Variants in PBX1 observed in about 807,000 individuals in gnomAD.
PBX1 encodes pre-B-cell leukemia transcription factor 1.
In PBX1, 6 loss-of-function variants were observed where a neutral mutation model predicts 53.4. The observed-to-expected ratio is 0.11, with a 90% CI of 0.06 to 0.22. The LOEUF (loss-of-function observed/expected upper bound fraction) is 0.22. Ranked by LOEUF, PBX1 falls within the 10% of genes least tolerant of loss-of-function variation. The pLI, the probability that PBX1 is intolerant of heterozygous loss-of-function variation, is 1.00. For missense variants in PBX1, 251 were observed against 551.4 expected, an observed-to-expected ratio of 0.46 and a Z score of 5.46; for synonymous variants, 204 against 212.3, an observed-to-expected ratio of 0.96 and a Z score of 0.34.
intron 5 of PBX1, among the ~76,000 whole-genome samples, 154 bp downstream of exon 5, chr1:164,807,831 C>T (rs1669429823): frequency 1.3e-5 from 2 of 152,206 alleles, no homozygotes; most frequent in South Asian, 2.1e-4. Context: ...GATGTGTATG[C>T]GTATAAGTGA....
At position 164,591,767 on chromosome 1, in the gene PBX1, A is replaced by G. The variant is rs139193624; in HGVS notation, c.265+28456A>G. 1.2e-4 allele frequency among the ~76,000 whole-genome samples: 19 copies of G among 152,298 alleles called. No individual in the cohort carries two copies. In the East Asian group the frequency reaches 3.7e-3, roughly 29 times the overall value. ...ACTTGTGCAGGTTTTCCTATCCTACAAGTAGAGAAATGGAGAGATCCATGC... is the reference window on the plus strand; with the variant it reads ...ACTTGTGCAGGTTTTCCTATCCTACGAGTAGAGAAATGGAGAGATCCATGC... On this transcript the variant is annotated intron_variant, in intron 2 of 8. Transcript: ENST00000420696.
chr1:164,689,684 G>A (rs1662347730), intron 2 of PBX1, among the ~76,000 whole-genome samples: 1 of 152,164 alleles, frequency 6.6e-6, no homozygotes, highest in Non-Finnish European at 1.5e-5. Flanking sequence ...ATCCATTACT[G>A]TTAATTACAC....
intron 2 of PBX1, among the ~76,000 whole-genome samples, chr1:164,599,071 A>ATTTT (rs375145672): frequency 0.24 from 29,042 of 118,662 alleles, 4,596 homozygotes; most frequent in Middle Eastern, 0.27. Context: ...TTTCCTCCTG[A>ATTTT]TTTTTTTTTT....
chr1:164,829,438 CT>C (rs1449936060), intron 8 of PBX1: 1 of 152,228 alleles, frequency 6.6e-6, no homozygotes, highest in Non-Finnish European at 1.5e-5. Flanking sequence ...TATTTTAGCA[CT>C]GTCCAATAAG....
intron 8 of PBX1, among the ~76,000 whole-genome samples, chr1:164,837,723 G>A (rs1311744997): frequency 6.6e-6 from 1 of 152,164 alleles, no homozygotes; most frequent in Non-Finnish European, 1.5e-5. Context: ...GAAAAAGTAA[G>A]AAAATCAAAC....
intron 2 of PBX1, among the ~76,000 whole-genome samples, chr1:164,718,453 G>C (rs891013547): frequency 2.0e-5 from 3 of 152,186 alleles, no homozygotes; most frequent in African/African-American, 7.2e-5. Context: ...TGTTCCCATA[G>C]GACTAACTCT....
intron 2 of PBX1, among the ~76,000 whole-genome samples, chr1:164,762,512 A>C (rs1350874028): frequency 1.3e-5 from 2 of 152,236 alleles, no homozygotes; most frequent in Non-Finnish European, 2.9e-5. Context: ...CTTCATTTTC[A>C]TATCAGCTTA....
chr1:164,678,703 C>T (rs1661578655), intron 2 of PBX1, among the ~76,000 whole-genome samples: 1 of 152,198 alleles, frequency 6.6e-6, no homozygotes, highest in Non-Finnish European at 1.5e-5. Context: ...AGCAAAACCC[C>T]TCTTTATTAA....
At chr1:164,856,233 A>G (rs1671972272), downstream of PBX1, among the ~76,000 whole-genome samples, 1 of 152,158 alleles carries the variant, frequency 6.6e-6, no homozygotes, top group African/African-American at 2.4e-5. Flanking sequence ...CCAGGCCTTG[A>G]ATAACTGGTG....
At chr1:164,657,716 G>A (rs951967425) in intron 2 of PBX1, among the ~76,000 whole-genome samples, 1 of 152,162 alleles carries the variant, frequency 6.6e-6, no homozygotes, top group Admixed American at 6.5e-5. Flanking sequence ...GTAGAAAGAA[G>A]CCCCACTTTT....
intron 5 of PBX1, among the ~76,000 whole-genome samples, chr1:164,808,697 C>T (rs1004271059): frequency 1.3e-5 from 2 of 152,142 alleles, no homozygotes; most frequent in Non-Finnish European, 2.9e-5. Flanking sequence ...ATCCCATCAA[C>T]CTGTGTTTAG....
At chr1:164,712,718 G>A (rs1471796010) in intron 2 of PBX1, among the ~76,000 whole-genome samples, 1 of 152,132 alleles carries the variant, frequency 6.6e-6, no homozygotes, top group Non-Finnish European at 1.5e-5. Flanking sequence ...ACACGTGCAG[G>A]TCTTAGGAGA....
chr1:164,709,457 A>G (rs1461498528), intron 2 of PBX1, among the ~76,000 whole-genome samples: 5 of 152,206 alleles, frequency 3.3e-5, no homozygotes, highest in African/African-American at 1.2e-4. Flanking sequence ...CTGCTGAGCC[A>G]ACTCATGAGT....
At chr1:164,861,799 A>G (rs1261537563) in intron 2 of PBX1, among the ~76,000 whole-genome samples, 1 of 152,160 alleles carries the variant, frequency 6.6e-6, no homozygotes, top group African/African-American at 2.4e-5. Context: ...GTTATCTGAG[A>G]AGAGTATTCC....
At chr1:164,668,385 G>C (rs1229877929) in intron 2 of PBX1, among the ~76,000 whole-genome samples, 1 of 152,098 alleles carries the variant, frequency 6.6e-6, no homozygotes, top group Non-Finnish European at 1.5e-5. Flanking sequence ...AGCAAAAGTT[G>C]GACAAATGTA....
intron 2 of PBX1, among the ~76,000 whole-genome samples, chr1:164,663,248 TCCTG>T (rs58476519): frequency 0.19 from 26,838 of 143,694 alleles, 2,800 homozygotes; most frequent in African/African-American, 0.28. Context: ...CTTCCTGCCT[TCCTG>T]CCTGCCTGCC....
chr1:164,882,876 G>A (rs922838486), intron 2 of PBX1, among the ~76,000 whole-genome samples: 2 of 151,832 alleles, frequency 1.3e-5, no homozygotes, highest in African/African-American at 4.8e-5. Context: ...TATATACTTA[G>A]TTTAAATTTG....
At chr1:164,749,784 G>A (rs1341142674) in intron 2 of PBX1, among the ~76,000 whole-genome samples, 6 of 152,152 alleles carry the variant, frequency 3.9e-5, no homozygotes, top group East Asian at 1.9e-4. Context: ...AAGCAGGCCC[G>A]TATAGATGAT....
intron 3 of PBX1, among the ~76,000 whole-genome samples, chr1:164,798,441 C>G (rs964902443): frequency 1.3e-5 from 2 of 152,196 alleles, no homozygotes; most frequent in African/African-American, 2.4e-5. Context: ...TTGTTGAATG[C>G]TCAGCTAAGG....
Sources: allele counts gnomAD v4.1 joint callset (sites outside exome capture counted in the v4.1 genomes callset), GRCh38; gene constraint gnomAD v4.1.1; transcripts MANE v1.5; gene names NCBI Gene and HGNC (gene_info 2026-07-23, HGNC 2026-07-21).